Variants in RPL18A observed in about 807,000 individuals in gnomAD.
RPL18A encodes the protein ribosomal protein L18a, also known as large ribosomal subunit protein eL20.
For synonymous variants in RPL18A, 122 were observed against 96.9 expected (o/e 1.26, Z -1.52); for missense variants, 163 against 254.1 (o/e 0.64, Z 2.44).
Position 17,862,825 on chromosome 19 carries a change from G to A in RPL18A, c.329-93G>A, listed in dbSNP as rs1314133905. ...CTCAGGCAGTTGCTGTGACCAACAG[G>A]ATGTGTCAGGTCATTGGGCAGGCAC... On this transcript the variant is annotated intron_variant, in intron 3 of 4. Transcript: ENST00000222247. 13 of 856,856 alleles carry A rather than the reference G, an allele frequency of 1.5e-5. No individual in the cohort carries two copies. The Admixed American group carries it at 2.3e-4, about 15-fold the overall frequency. 53.1% of individuals were successfully genotyped at this position (856,856 alleles called of 1,614,324 possible). A position where few individuals can be genotyped will look rare whatever the true frequency, so the allele number is the denominator to read the frequency against.
Position 17,863,241 on chromosome 19 carries a change from A to G in RPL18A, c.509A>G (p.Lys170Arg), listed in dbSNP as rs2094280949. The G allele has an allele frequency of 1.9e-6, 3 of 1,603,530 alleles. No homozygotes were observed. The highest frequency in any genetic ancestry group is 1.1e-5 in the South Asian group (1 of 90,720). Residue 170 changes from lysine (K) to arginine (R), a missense_variant, in exon 5 of 5, where the codon AAG becomes AGG. Lys to Arg is a conservative substitution (Grantham distance 26). Transcript: ENST00000222247. ...CAGCACAAGCCACGCTTCACCACCA[A>G]GAGGCCCAACACCTTCTTCTAGGTG... is the stretch of plus-strand genomic sequence containing the variant. ...RRQHKPRFTT[K>R]RPNTFF
chr19:17,861,204 G>T, intron 1 of RPL18A, 89 bp from the exon 2 acceptor site: 1 of 1,257,452 alleles, frequency 8.0e-7, no homozygotes, highest in South Asian at 1.3e-5. Flanking sequence ...TCCCGAATCT[G>T]TGGTCACTAG....
chr19:17,862,361 C>T (rs2094278995), intron 3 of RPL18A, 138 bp downstream of exon 3: 1 of 1,085,988 alleles, frequency 9.2e-7, no homozygotes, highest in Non-Finnish European at 1.3e-6. Context: ...AAGGATGCCC[C>T]AGGCCCCAGA....
intron 2 of RPL18A, 34 bp from the exon 3 acceptor site, chr19:17,862,060 G>T (rs1401737053): frequency 6.2e-7 from 1 of 1,607,624 alleles, no homozygotes; most frequent in African/African-American, 1.3e-5. Flanking sequence ...TCGGCTTGCT[G>T]CTCTCACATC....
intron 1 of RPL18A, chr19:17,860,841 G>C (rs1311045768): frequency 5.7e-6 from 1 of 174,094 alleles, no homozygotes; most frequent in Non-Finnish European, 1.3e-5. Flanking sequence ...GGAGAGACCT[G>C]AGGTCTTGTC....
Position 17,861,455 on chromosome 19 carries a change from A to G in RPL18A, c.181A>G (p.Ile61Val). 1 of 1,594,786 alleles carries G rather than the reference A, an allele frequency of 6.3e-7. No homozygotes were observed. The highest frequency in any genetic ancestry group is 8.6e-7 in the Non-Finnish European group (1 of 1,167,934). The change falls in exon 2 of 5, where the codon ATT becomes GTT. Residue 61 changes from isoleucine (I) to valine (V), a missense_variant. Ile to Val is a conservative substitution (Grantham distance 29). Transcript: ENST00000222247. ...LKKMKKSSGEIVYCGQVFEKS... is the reference protein window; with the variant it reads ...LKKMKKSSGEVVYCGQVFEKS... Reference sequence around the variant, plus strand: ...GAAGATGAAGAAGTCTTCAGGGGAGATTGTCTACTGTGGGCAGGTATGGAG... The same window carrying G: ...GAAGATGAAGAAGTCTTCAGGGGAGGTTGTCTACTGTGGGCAGGTATGGAG...
chr19:17,862,315 G>C, intron 3 of RPL18A, 92 bp downstream of exon 3: 1 of 1,479,248 alleles, frequency 6.8e-7, no homozygotes. Context: ...CAGTGCAGGA[G>C]AGTCTCAGGA....
chr19:17,861,563 G>A (rs765275072), intron 2 of RPL18A, 91 bp downstream of exon 2: 142 of 1,046,322 alleles, frequency 1.4e-4, no homozygotes, highest in Non-Finnish European at 1.9e-4. Flanking sequence ...ACATCGAACG[G>A]GTGCGGTAGC....
chr19:17,861,568 G>T, intron 2 of RPL18A, 96 bp downstream of exon 2: 1 of 995,966 alleles, frequency 1.0e-6, no homozygotes. Flanking sequence ...GAACGGGTGC[G>T]GTAGCTCAAC....
At chr19:17,861,837 G>A (rs1257378932) in intron 2 of RPL18A, 1 of 559,066 alleles carries the variant, frequency 1.8e-6, no homozygotes, top group Non-Finnish European at 3.2e-6. Flanking sequence ...CTTGAGTTCA[G>A]GAACTGCATC....
chr19:17,862,988 G>C lies in RPL18A; in HGVS notation c.399G>C (p.Ala133=). The C allele has an allele frequency of 6.2e-7, 1 of 1,612,342 alleles. No homozygotes were observed. Residue 133 remains alanine (A), a synonymous_variant, in exon 4 of 5, where the codon GCG becomes GCC. Coordinates refer to ENST00000222247, the MANE Select transcript of RPL18A (RefSeq NM_000980.4). ...AGATCATGAAGGTGGAGGAGATCGCGGCCAGCAAGTGCCGCCGGCCGGCTG... is the reference window on the plus strand; with the variant it reads ...AGATCATGAAGGTGGAGGAGATCGCCGCCAGCAAGTGCCGCCGGCCGGCTG... ...SIQIMKVEEI[A]ASKCRRPAVK...
At position 17,863,006 on chromosome 19, in the gene RPL18A, G is replaced by T. The variant is rs1056912697; in HGVS notation, c.417G>T (p.Arg139=). The T allele has an allele frequency of 2.5e-6, 4 of 1,611,772 alleles. No homozygotes were observed. Among genetic ancestry groups the T allele is most frequent in the Admixed American group, 1.7e-5 (1 of 59,976 alleles). The change falls in exon 4 of 5, where the codon CGG becomes CGT. Residue 139 remains arginine (R), a synonymous_variant. Transcript: ENST00000222247. ...VEEIAASKCR[R]PAVKQFHDSK... ...AGATCGCGGCCAGCAAGTGCCGCCG[G>T]CCGGCTGTCAAGCAGTTCCACGTGA...
At chr19:17,860,161 C>A in intron 1 of RPL18A, 187 bp downstream of exon 1, 1 of 550,072 alleles carries the variant, frequency 1.8e-6, no homozygotes, top group Non-Finnish European at 3.1e-6. Context: ...GAGAGCGATG[C>A]GTGACCTGGG....
In RPL18A at chr19:17,862,890, G is replaced by A. The variant is rs754851435; in HGVS notation, c.329-28G>A. ...GAATGCCCAGAGCCCAGGCAACACCGTCACCCTGGCCCCGCTCCTTTCCAC... is the reference window on the plus strand; with the variant it reads ...GAATGCCCAGAGCCCAGGCAACACCATCACCCTGGCCCCGCTCCTTTCCAC... On this transcript the variant is annotated intron_variant, in intron 3 of 4. Coordinates refer to ENST00000222247, the MANE Select transcript of RPL18A (RefSeq NM_000980.4). 46 of 1,516,364 alleles carry A rather than the reference G, an allele frequency of 3.0e-5. 2 individuals are homozygous for A. In the South Asian group the frequency reaches 3.5e-4, roughly 11 times the overall value. The allele number at this position is 1,516,364 out of a possible 1,614,324, so 93.9% of individuals were successfully genotyped here.
Position 17,862,967 on chromosome 19 carries a change from C to G in RPL18A, c.378C>G (p.Ile126Met). The G allele has an allele frequency of 6.2e-7, 1 of 1,612,592 alleles. No individual in the cohort carries two copies. The change falls in exon 4 of 5, where the codon ATC (isoleucine) becomes ATG (methionine). Residue 126 changes from isoleucine to methionine, a missense_variant. By Grantham distance (10) the Ile-to-Met change is conservative. Transcript: ENST00000222247. ...GCGCCCGAGCCCACTCCATTCAGAT[C>G]ATGAAGGTGGAGGAGATCGCGGCCA... is the stretch of plus-strand genomic sequence containing the variant. ...RHRARAHSIQ[I>M]MKVEEIAASK...
At chr19:17,859,996 A>G (rs2094274151) in intron 1 of RPL18A, 22 bp downstream of exon 1, 1 of 1,510,680 alleles carries the variant, frequency 6.6e-7, no homozygotes, top group Non-Finnish European at 8.8e-7. Flanking sequence ...GCGGCGCGGC[A>G]GGGGGCCAAG....
rs764973986 is a variant in RPL18A, at chr19:17,862,145, T to C, written c.250T>C (p.Tyr84His). The C allele has an allele frequency of 6.2e-7, 1 of 1,612,720 alleles. No homozygotes were observed. The highest frequency in any genetic ancestry group is 8.5e-7 in the Non-Finnish European group (1 of 1,179,974). ...RVKNFGIWLR[Y>H]DSRSGTHNMY... ...GAAGAACTTCGGGATCTGGCTGCGC[T>C]ATGACTCCCGGAGCGGCACCCACAA... The change falls in exon 3 of 5, where the codon TAT becomes CAT. Residue 84 changes from tyrosine to histidine, a missense_variant. Coordinates refer to ENST00000222247, the MANE Select transcript of RPL18A (RefSeq NM_000980.4).
rs3209788 is a variant in RPL18A, at chr19:17,862,146, A to G, written c.251A>G (p.Tyr84Cys). The stretch of plus-strand genomic sequence containing the variant: ...AAGAACTTCGGGATCTGGCTGCGCT[A>G]TGACTCCCGGAGCGGCACCCACAAC... ...RVKNFGIWLRYDSRSGTHNMY... is the reference protein window; with the variant it reads ...RVKNFGIWLRCDSRSGTHNMY... Residue 84 changes from tyrosine to cysteine, a missense_variant, in exon 3 of 5, where the codon TAT becomes TGT. Physicochemically the swap from Tyr to Cys is radical, Grantham distance 194. Transcript: ENST00000222247. The G allele has an allele frequency of 5.0e-6, 8 of 1,612,654 alleles. No homozygotes were observed. Among genetic ancestry groups the G allele is most frequent in the Non-Finnish European group, 6.8e-6 (8 of 1,179,996 alleles).
intron 3 of RPL18A, chr19:17,862,471 TCAC>T (rs2094279184): frequency 5.9e-6 from 4 of 676,208 alleles, no homozygotes; most frequent in Non-Finnish European, 1.1e-5. Context: ...GGGATCCACA[TCAC>T]CACTGTTTTC....
Sources: gnomAD v4.1 joint callset for allele counts on GRCh38, gnomAD v4.1.1 for gene constraint, MANE v1.5 for transcripts, NCBI Gene and HGNC (gene_info 2026-07-23, HGNC 2026-07-21) for gene names.